CNIH3: variants seen among roughly 807,000 people sequenced by gnomAD.
CNIH3 encodes the protein cornichon family AMPA receptor auxiliary protein 3.
In CNIH3, 14 loss-of-function variants were observed where a neutral mutation model predicts 24.1. The observed-to-expected ratio is 0.58, with a 90% CI of 0.38 to 0.91. CNIH3 has a LOEUF of 0.91. Ranked by LOEUF, CNIH3 falls within the 40% of genes least tolerant of loss-of-function variation. CNIH3 has a pLI of 0.00. For missense variants in CNIH3, 178 were observed against 196.8 expected, an observed-to-expected ratio of 0.90 and a Z score of 0.57; for synonymous variants, 68 against 73.8, an observed-to-expected ratio of 0.92 and a Z score of 0.40.
chr1:224,443,997 A>G (rs543548902), intron 1 of CNIH3, among the ~76,000 whole-genome samples: 1 of 152,340 alleles, frequency 6.6e-6, no homozygotes, highest in Non-Finnish European at 1.5e-5. Flanking sequence ...AAGTTTTATT[A>G]TGCAGTATTT....
chr1:224,595,459 A>G (rs1405625471), intron 3 of CNIH3, among the ~76,000 whole-genome samples: 3 of 152,224 alleles, frequency 2.0e-5, no homozygotes, highest in Admixed American at 6.5e-5. Flanking sequence ...TGCTCCATCA[A>G]CTAGCCATTC....
intron 3 of CNIH3, among the ~76,000 whole-genome samples, chr1:224,705,664 C>T (rs950170442): frequency 1.3e-5 from 2 of 152,092 alleles, no homozygotes; most frequent in Non-Finnish European, 1.5e-5. Context: ...GGTGTCTGTT[C>T]TCTCTGTAGC....
At chr1:224,560,975 T>G (rs918133820) in intron 3 of CNIH3, among the ~76,000 whole-genome samples, 2 of 152,182 alleles carry the variant, frequency 1.3e-5, no homozygotes, top group African/African-American at 4.8e-5. Flanking sequence ...ATTTCCCTCG[T>G]GATTAATGAT....
intron 1 of CNIH3, among the ~76,000 whole-genome samples, chr1:224,619,810 T>A (rs1683195064): frequency 6.6e-6 from 1 of 152,226 alleles, no homozygotes; most frequent in Admixed American, 6.5e-5. Flanking sequence ...CTTAACAACA[T>A]ATAGCGGTTA....
At chr1:224,484,348 C>A (rs569339519) in intron 1 of CNIH3, among the ~76,000 whole-genome samples, 1 of 150,690 alleles carries the variant, frequency 6.6e-6, no homozygotes, top group Admixed American at 6.6e-5. Context: ...GAGAATGGCA[C>A]GAACCTGGGA....
intron 5 of CNIH3, among the ~76,000 whole-genome samples, chr1:224,735,528 G>A (rs1689550893): frequency 6.6e-6 from 1 of 152,234 alleles, no homozygotes; most frequent in Non-Finnish European, 1.5e-5. Flanking sequence ...AAAAGGGCAT[G>A]GTTGACAGCA....
At chr1:224,732,301 G>A (rs939080997) in intron 4 of CNIH3, among the ~76,000 whole-genome samples, 2 of 152,194 alleles carry the variant, frequency 1.3e-5, no homozygotes, top group African/African-American at 2.4e-5. Context: ...CCGGGAGGTC[G>A]ATGGTGCCAT....
At chr1:224,445,138 A>C (rs1483230408) in intron 1 of CNIH3, among the ~76,000 whole-genome samples, 1 of 152,112 alleles carries the variant, frequency 6.6e-6, no homozygotes, top group Admixed American at 6.6e-5. Flanking sequence ...TCTGATGACT[A>C]ATGGTGTGTG....
upstream of CNIH3, among the ~76,000 whole-genome samples, chr1:224,612,588 C>T (rs1252690834): frequency 6.6e-6 from 1 of 152,214 alleles, no homozygotes; most frequent in South Asian, 2.1e-4. The surrounding 1 kb of genome is among the most constrained non-coding windows in gnomAD (Gnocchi z 4.7). Flanking sequence ...CCTGGAAAAT[C>T]TCAAATGCTG....
At position 224,437,983 on chromosome 1, in the gene CNIH3, G is replaced by T. The variant is rs140000372; in HGVS notation, n.203+3121G>T. 4.7e-3 allele frequency among the ~76,000 whole-genome samples: 716 copies of T among 151,554 alleles called. 3 individuals carry two copies. Among genetic ancestry groups the T allele is most frequent in the African/African-American group, 0.017 (686 of 41,260 alleles). ...GCTGGAGTGCAGTGGCGCGATCTTGGCTCACTGCAAGCTCCGCCTCCTGGG... is the reference window on the plus strand; with the variant it reads ...GCTGGAGTGCAGTGGCGCGATCTTGTCTCACTGCAAGCTCCGCCTCCTGGG... On this transcript the variant is annotated intron_variant and non_coding_transcript_variant, in intron 1 of 5. Coordinates refer to the CNIH3 transcript ENST00000471578.
chr1:224,614,920 C>A (rs1682875189), upstream of CNIH3, among the ~76,000 whole-genome samples: 2 of 151,170 alleles, frequency 1.3e-5, no homozygotes, highest in South Asian at 4.2e-4. Context: ...AGCCTGGCGA[C>A]AAAGTGAGAC....
rs1682326443 is a variant in CNIH3 at position 224,604,367 on chromosome 1, G to T, written n.402+38103G>T. 6.6e-6 allele frequency among the ~76,000 whole-genome samples: 1 copy of T among 152,224 alleles called. No homozygotes were observed. The highest frequency in any genetic ancestry group is 2.4e-5 in the African/African-American group (1 of 41,456). ...AAATATTCTTTCTAGTTTGGTGAAA[G>T]GTTTAGCTTTTTGAAGAGATTCTGT... On this transcript the variant is annotated intron_variant and non_coding_transcript_variant, in intron 3 of 7. Transcript: ENST00000478120. The surrounding 1 kb of genome is among the most constrained non-coding windows in gnomAD (Gnocchi z 4.4).
intron 3 of CNIH3, among the ~76,000 whole-genome samples, chr1:224,709,262 G>GCTCT (rs58979922): frequency 1.3e-4 from 20 of 151,010 alleles, no homozygotes; most frequent in African/African-American, 4.6e-4. Flanking sequence ...ATCTTCTCCT[G>GCTCT]CTCTCTCTCT....
intron 1 of CNIH3, among the ~76,000 whole-genome samples, chr1:224,499,851 GC>G (rs1677581998): frequency 6.7e-6 from 1 of 149,564 alleles, no homozygotes; most frequent in African/African-American, 2.5e-5. Context: ...ATCGCTTGAG[GC>G]CAGGAGTTCA....
intron 3 of CNIH3, among the ~76,000 whole-genome samples, chr1:224,609,849 G>A (rs1241312370): frequency 1.3e-5 from 2 of 152,120 alleles, no homozygotes; most frequent in African/African-American, 4.8e-5. Flanking sequence ...TGTAAGGGGA[G>A]AGCAGATAGG....
At chr1:224,460,376 C>T (rs929523561) in intron 1 of CNIH3, among the ~76,000 whole-genome samples, 14 of 152,140 alleles carry the variant, frequency 9.2e-5, no homozygotes, top group African/African-American at 3.4e-4. Context: ...TTTCTTAGGC[C>T]TCTTCCCCCT....
At chr1:224,467,956 A>G (rs1204844509) in intron 1 of CNIH3, among the ~76,000 whole-genome samples, 1 of 143,454 alleles carries the variant, frequency 7.0e-6, no homozygotes, top group Non-Finnish European at 1.5e-5. Flanking sequence ...TCCTTCCTCT[A>G]TTAAATCATG....
intron 1 of CNIH3, among the ~76,000 whole-genome samples, chr1:224,435,522 C>CT (rs1302849490): frequency 6.6e-6 from 1 of 152,170 alleles, no homozygotes; most frequent in Non-Finnish European, 1.5e-5. Context: ...AGGCTTCACT[C>CT]TTTTTTAGCA....
rs115503939 is a variant in CNIH3, at chr1:224,487,797, A to G, written n.204-27944A>G. On this transcript the variant is annotated intron_variant and non_coding_transcript_variant, in intron 1 of 5. Coordinates refer to the CNIH3 transcript ENST00000471578. Reference sequence around the variant, plus strand: ...CACAATGTTACATTCTCCTTTTAGCAGGGATCGCCATAAGCAAGTTAGATC... The same window carrying G: ...CACAATGTTACATTCTCCTTTTAGCGGGGATCGCCATAAGCAAGTTAGATC... 4.0e-3 allele frequency among the ~76,000 whole-genome samples: 610 copies of G among 152,318 alleles called. 4 individuals are homozygous for G. The highest frequency in any genetic ancestry group is 0.014 in the African/African-American group (589 of 41,574).
Sources: gnomAD v4.1 joint callset for allele counts (sites outside exome capture counted in the v4.1 genomes callset) on GRCh38, gnomAD v4.1.1 for gene constraint, Gnocchi (gnomAD v3.1) non-coding constraint, MANE v1.5 for transcripts, NCBI Gene and HGNC (gene_info 2026-07-23, HGNC 2026-07-21) for gene names.